Variants in PISD observed in about 807,000 individuals in gnomAD.
The protein encoded by PISD is phosphatidylserine decarboxylase.
Under a neutral mutation model 43.5 loss-of-function variants are expected in PISD, and 31 were observed. That is an observed-to-expected ratio of 0.71 (90% CI 0.54 to 0.96). PISD has a LOEUF of 0.96. PISD is among the 40% of genes least tolerant of loss of function. PISD has a pLI of 0.00. For synonymous variants in PISD, 259 were observed against 228.7 expected, an observed-to-expected ratio of 1.13 and a Z score of -1.20; for missense variants, 523 against 548.4, an observed-to-expected ratio of 0.95 and a Z score of 0.46.
intron 3 of PISD, among the ~76,000 whole-genome samples, chr22:31,636,989 T>A (rs55844032): frequency 0.049 from 7,332 of 151,126 alleles, 162 homozygotes; most frequent in African/African-American, 0.063. Context: ...TCCCTTTTTT[T>A]AAAAAGATTA....
At chr22:31,621,289 C>T (rs1269826852) in intron 5 of PISD, 45 bp downstream of exon 5, 1 of 1,612,220 alleles carries the variant, frequency 6.2e-7, no homozygotes, top group Admixed American at 1.7e-5. Flanking sequence ...CCGGTCCAGC[C>T]ACACAGCAGC....
At chr22:31,621,518 T>C in intron 4 of PISD, 46 bp from the exon 5 acceptor site, 1 of 1,610,364 alleles carries the variant, frequency 6.2e-7, no homozygotes, top group Non-Finnish European at 8.5e-7. Context: ...CAGGGTCTCC[T>C]CCCCCCAGGA....
At chr22:31,659,376 C>A (rs967072092) in intron 1 of PISD, among the ~76,000 whole-genome samples, 1 of 152,164 alleles carries the variant, frequency 6.6e-6, no homozygotes, top group Admixed American at 6.6e-5. Flanking sequence ...CCCTTCCCTT[C>A]TCTCTTCTCC....
Position 31,642,497 on chromosome 22 carries a change from A to T in PISD, c.321+5604T>A, listed in dbSNP as rs183412692. ...AACAAACAAACAGCTGAATCAATTTAAAAATACAGAAAAAAGGACAGGTGT... is the reference window on the plus strand; with the variant it reads ...AACAAACAAACAGCTGAATCAATTTTAAAATACAGAAAAAAGGACAGGTGT... On this transcript the variant is annotated intron_variant, in intron 3 of 7. Coordinates refer to ENST00000439502, the MANE Select transcript of PISD (RefSeq NM_001326411.2). Among the ~76,000 whole-genome samples, 737 of 151,074 alleles carry T rather than the reference A, an allele frequency of 4.9e-3. 9 individuals carry two copies. The highest frequency in any genetic ancestry group is 6.8e-3 in the Non-Finnish European group (461 of 67,976).
chr22:31,627,949 T>A, intron 3 of PISD: 1 of 864,498 alleles, frequency 1.2e-6, no homozygotes, highest in Non-Finnish European at 1.4e-6. Context: ...CAGGGAAAGG[T>A]GAGCCCTGGA....
At chr22:31,645,551 T>TA (rs1246202478) in intron 3 of PISD, among the ~76,000 whole-genome samples, 1 of 146,068 alleles carries the variant, frequency 6.8e-6, no homozygotes, top group African/African-American at 2.5e-5. Context: ...TTTTTTTTTT[T>TA]AGTTTTAGTA....
At chr22:31,656,681 T>TAAATAAATAAATAAATAAAC (rs1384497131) in intron 1 of PISD, among the ~76,000 whole-genome samples, 3 of 150,066 alleles carry the variant, frequency 2.0e-5, no homozygotes, top group African/African-American at 7.4e-5. Flanking sequence ...AATAAATAAA[T>TAAATAAATAAATAAATAAAC]AAACAAAACA....
intron 3 of PISD, among the ~76,000 whole-genome samples, chr22:31,631,912 T>C (rs193007366): frequency 3.2e-4 from 49 of 152,332 alleles, no homozygotes; most frequent in Non-Finnish European, 6.5e-4. Context: ...CTGAGATCTT[T>C]GTTTCTAAAG....
intron 1 of PISD, among the ~76,000 whole-genome samples, chr22:31,660,732 TATTTA>T (rs2074292669): frequency 6.6e-6 from 1 of 152,092 alleles, no homozygotes; most frequent in African/African-American, 2.4e-5. Flanking sequence ...TGACACACTT[TATTTA>T]TTTTTAATTT....
At position 31,630,819 on chromosome 22, in the gene PISD, G is replaced by A; in HGVS notation, c.322-8934C>T. 1 of 985,518 alleles carries A rather than the reference G, an allele frequency of 1.0e-6. No individual in the cohort carries two copies. Among genetic ancestry groups the A allele is most frequent in the Non-Finnish European group, 1.2e-6 (1 of 829,992 alleles). The allele number at this position is 985,518 out of a possible 1,614,324, so 61.0% of individuals were successfully genotyped here. A position where few individuals can be genotyped will look rare whatever the true frequency, so the allele number is the denominator to read the frequency against. ...GCTCACTCACCCGCAGGTGGCTCCA[G>A]CTTCCGGGCTCCGACTCCCTAGGGG... On this transcript the variant is annotated intron_variant, in intron 3 of 7. Transcript: ENST00000439502. This position sits in a 1 kb window ranked among gnomAD's most constrained non-coding sequence, Gnocchi z 4.4.
At chr22:31,636,637 T>A (rs2073447527) in intron 3 of PISD, among the ~76,000 whole-genome samples, 1 of 152,104 alleles carries the variant, frequency 6.6e-6, no homozygotes. Flanking sequence ...CCTCCCAGGT[T>A]CACACCATTC....
At chr22:31,621,232 G>C in intron 5 of PISD, 90 bp from the exon 6 acceptor site, 1 of 1,609,614 alleles carries the variant, frequency 6.2e-7, no homozygotes, top group African/African-American at 1.3e-5. Context: ...TTCTCAGGGA[G>C]GCCCCACATG....
At chr22:31,633,640 A>G (rs1320449186) in intron 3 of PISD, among the ~76,000 whole-genome samples, 1 of 152,064 alleles carries the variant, frequency 6.6e-6, no homozygotes, top group Non-Finnish European at 1.5e-5. Context: ...GCGTGAACCC[A>G]GGAGGTGGAG....
intron 1 of PISD, among the ~76,000 whole-genome samples, chr22:31,656,136 A>G (rs1052806670): frequency 6.6e-6 from 1 of 152,072 alleles, no homozygotes; most frequent in Non-Finnish European, 1.5e-5. Context: ...TCCACTAAAA[A>G]TACAAAAAAC....
At chr22:31,638,547 A>G in intron 3 of PISD, 5 of 985,468 alleles carry the variant, frequency 5.1e-6, no homozygotes, top group Non-Finnish European at 6.0e-6. Flanking sequence ...CAAGAGAGGC[A>G]AAACGGGTAG....
chr22:31,650,729 G>C lies in PISD; in HGVS notation c.115C>G (p.Arg39Gly), dbSNP rs577732740. The stretch of plus-strand genomic sequence containing the variant: ...CGAAAGGCTCTAAAAGGCAGCTTCC[G>C]TAAGGGCTGTAGGGATTGGCTCAGG... The part of the protein sequence containing the change: ...TALSQSLQPL[R>G]KLPFRAFRTD... The change falls in exon 2 of 8, where the codon CGG becomes GGG. Residue 39 changes from arginine to glycine, a missense_variant. Arg to Gly is a moderately radical substitution (Grantham distance 125, BLOSUM62 -2). Transcript: ENST00000439502. 5 of 1,555,390 alleles carry C rather than the reference G, an allele frequency of 3.2e-6. No homozygotes were observed. In the African/African-American group the frequency reaches 5.5e-5, roughly 17 times the overall value.
chr22:31,623,492 C>T (rs1462749123), intron 3 of PISD, among the ~76,000 whole-genome samples: 2 of 152,204 alleles, frequency 1.3e-5, no homozygotes, highest in Non-Finnish European at 1.5e-5. Flanking sequence ...CAGTCACCCG[C>T]GGCCCAGGTA....
chr22:31,656,061 A>G (rs1413349882), intron 1 of PISD, among the ~76,000 whole-genome samples: 1 of 150,854 alleles, frequency 6.6e-6, no homozygotes, highest in Admixed American at 6.6e-5. Context: ...TGAGAGGCTG[A>G]GGCAGGTGGA....
At chr22:31,651,657 A>C (rs887958445) in intron 1 of PISD, among the ~76,000 whole-genome samples, 1 of 152,126 alleles carries the variant, frequency 6.6e-6, no homozygotes, top group African/African-American at 2.4e-5. Flanking sequence ...CTGAGGCAGG[A>C]GAATCACTTG....
Sources: gnomAD v4.1 joint callset for allele counts (sites outside exome capture counted in the v4.1 genomes callset) on GRCh38, gnomAD v4.1.1 for gene constraint, Gnocchi (gnomAD v3.1) non-coding constraint, MANE v1.5 for transcripts, NCBI Gene and HGNC (gene_info 2026-07-23, HGNC 2026-07-21) for gene names.